Variants in ENOX1 observed in about 807,000 individuals in gnomAD.
ENOX1 encodes the protein candidate growth-related and time keeping constitutive hydroquinone (NADH) oxidase.
In ENOX1, 42 loss-of-function variants were observed where a neutral mutation model predicts 82.5. The ratio of observed to expected loss-of-function variants is 0.51; its 90% CI spans 0.40 to 0.66. ENOX1 has a LOEUF of 0.66. Among genes scored for constraint, ENOX1 ranks in the 30% least tolerant of loss-of-function variants. ENOX1 has a pLI of 0.00. For missense variants in ENOX1, 608 were observed against 811.6 expected (o/e 0.75, Z 3.05); for synonymous variants, 271 against 282.2 (o/e 0.96, Z 0.40).
chr13:43,578,582 C>G (rs2080550831), intron 2 of ENOX1, among the ~76,000 whole-genome samples: 1 of 152,134 alleles, frequency 6.6e-6, no homozygotes, highest in African/African-American at 2.4e-5. Flanking sequence ...TAGCGTCACT[C>G]AAGAGGTACA....
chr13:43,427,638 GC>G (rs746378050), intron 3 of ENOX1, among the ~76,000 whole-genome samples: 2 of 152,316 alleles, frequency 1.3e-5, no homozygotes, highest in South Asian at 2.1e-4. Flanking sequence ...ACTGTATGTA[GC>G]ACTGTGCTTG....
intron 3 of ENOX1, among the ~76,000 whole-genome samples, chr13:43,417,242 C>CAGGAGA (rs1555267014): frequency 1.7e-4 from 14 of 82,762 alleles, no homozygotes; most frequent in Non-Finnish European, 2.2e-4. Context: ...AGACGGGAGA[C>CAGGAGA]GGGAGAGGGA....
At chr13:43,450,482 C>A (rs2056903473) in intron 3 of ENOX1, among the ~76,000 whole-genome samples, 1 of 152,078 alleles carries the variant, frequency 6.6e-6, no homozygotes, top group African/African-American at 2.4e-5. Context: ...CCACACTGGG[C>A]TACCTGGGGA....
At chr13:43,282,289 T>C (rs2045429748) in intron 12 of ENOX1, among the ~76,000 whole-genome samples, 1 of 152,146 alleles carries the variant, frequency 6.6e-6, no homozygotes, top group Admixed American at 6.5e-5. Context: ...GAATTATAAA[T>C]CTTTGTTTAT....
intron 1 of ENOX1, among the ~76,000 whole-genome samples, chr13:43,687,258 T>C (rs9595002): frequency 0.079 from 11,985 of 152,228 alleles, 711 homozygotes; most frequent in African/African-American, 0.16. Flanking sequence ...ATAAATGGCA[T>C]TTGCTCAAGG....
chr13:43,567,074 A>T (rs1432674574), intron 2 of ENOX1, among the ~76,000 whole-genome samples: 1 of 152,150 alleles, frequency 6.6e-6, no homozygotes, highest in Non-Finnish European at 1.5e-5. Flanking sequence ...TGAACAAAGT[A>T]TTTCCATGCC....
At chr13:43,420,964 GGATT>G (rs1275194918) in intron 3 of ENOX1, among the ~76,000 whole-genome samples, 1 of 152,150 alleles carries the variant, frequency 6.6e-6, no homozygotes, top group Non-Finnish European at 1.5e-5. Context: ...GGAAATAATA[GGATT>G]AAGGTTTTGA....
At chr13:43,372,672 C>T (rs2051320695) in intron 5 of ENOX1, among the ~76,000 whole-genome samples, 1 of 152,076 alleles carries the variant, frequency 6.6e-6, no homozygotes, top group South Asian at 2.1e-4. Flanking sequence ...CACTCATCTG[C>T]TATTAAAATT....
chr13:43,416,786 G>A (rs531645244), intron 3 of ENOX1, among the ~76,000 whole-genome samples: 26 of 151,604 alleles, frequency 1.7e-4, no homozygotes, highest in South Asian at 8.4e-4. Flanking sequence ...AGGCAGAGAC[G>A]CTCCCCACTT....
rs182984110 is a variant in ENOX1 at position 43,777,680 on chromosome 13, T to C, written c.-285+8972A>G. Among the ~76,000 whole-genome samples, 427 of 152,052 alleles carry C rather than the reference T, an allele frequency of 2.8e-3. 3 individuals are homozygous for C. The highest frequency in any genetic ancestry group is 9.9e-3 in the African/African-American group (409 of 41,470). On this transcript the variant is annotated intron_variant, in intron 1 of 16. Coordinates refer to ENST00000690772, the MANE Select transcript of ENOX1 (RefSeq NM_001347969.2). ...GCCTCAGCCCCCCAGGTAGCTGGGA[T>C]TACAGGCGCCCACCACTATGCCTGG... is the stretch of plus-strand genomic sequence containing the variant.
intron 11 of ENOX1, among the ~76,000 whole-genome samples, chr13:43,314,332 C>T (rs1287297936): frequency 1.3e-5 from 2 of 152,120 alleles, no homozygotes; most frequent in Admixed American, 6.5e-5. Flanking sequence ...AGTAGAATTT[C>T]CAAGAAAGGG....
At chr13:43,730,971 C>T (rs559292043) in intron 1 of ENOX1, among the ~76,000 whole-genome samples, 2 of 152,166 alleles carry the variant, frequency 1.3e-5, no homozygotes, top group Non-Finnish European at 2.9e-5. Flanking sequence ...ACATTGCTCC[C>T]CAACTCTTTC....
intron 2 of ENOX1, among the ~76,000 whole-genome samples, chr13:43,629,512 C>T (rs1215664494): frequency 6.6e-6 from 1 of 152,116 alleles, no homozygotes; most frequent in Non-Finnish European, 1.5e-5. Context: ...TGTGTTTGTT[C>T]TATATGGAAT....
intron 3 of ENOX1, among the ~76,000 whole-genome samples, chr13:43,464,389 G>A (rs888437277): frequency 6.6e-6 from 1 of 152,054 alleles, no homozygotes; most frequent in Non-Finnish European, 1.5e-5. Flanking sequence ...GTTCTGCAGG[G>A]CAGTACTTTT....
chr13:43,657,272 G>T (rs1471555362), intron 2 of ENOX1, among the ~76,000 whole-genome samples: 1 of 152,158 alleles, frequency 6.6e-6, no homozygotes. Flanking sequence ...CATAGGACTA[G>T]GCCCAGAGAT....
At chr13:43,319,362 G>A (rs1356020672) in intron 11 of ENOX1, among the ~76,000 whole-genome samples, 1 of 151,998 alleles carries the variant, frequency 6.6e-6, no homozygotes, top group Non-Finnish European at 1.5e-5. Flanking sequence ...CAGAATTATA[G>A]CCAAAGACAT....
intron 14 of ENOX1, among the ~76,000 whole-genome samples, chr13:43,253,503 A>G (rs1223641785): frequency 1.3e-5 from 2 of 152,218 alleles, no homozygotes; most frequent in Non-Finnish European, 2.9e-5. Context: ...AATCCTTGCC[A>G]AAGACCAATG....
chr13:43,633,497 C>T (rs912496531), intron 2 of ENOX1, among the ~76,000 whole-genome samples: 31 of 152,044 alleles, frequency 2.0e-4, no homozygotes, highest in East Asian at 1.7e-3. Context: ...AATAAGTCCA[C>T]GTGTAGGGGA....
At chr13:43,671,938 T>C (rs986032477) in intron 1 of ENOX1, among the ~76,000 whole-genome samples, 4 of 152,216 alleles carry the variant, frequency 2.6e-5, no homozygotes, top group Non-Finnish European at 4.4e-5. Context: ...ATTTAAAAAA[T>C]ATGTTTTATT....
Sources: allele counts gnomAD v4.1 joint callset (sites outside exome capture counted in the v4.1 genomes callset), GRCh38; gene constraint gnomAD v4.1.1; transcripts MANE v1.5; gene names NCBI Gene and HGNC (gene_info 2026-07-23, HGNC 2026-07-21).